KANK1: variants seen among roughly 807,000 people sequenced by gnomAD.
KANK1 encodes KN motif and ankyrin repeat domain-containing protein 1.
In KANK1, 109 loss-of-function variants were observed where a neutral mutation model predicts 106.2. The observed-to-expected ratio is 1.03, with a 90% CI of 0.88 to 1.20. The LOEUF (loss-of-function observed/expected upper bound fraction) is 1.20. KANK1 is among the 50% of genes most tolerant of loss of function. The pLI is 0.00. For synonymous variants in KANK1, 873 were observed against 652.2 expected (o/e 1.34, Z -5.16); for missense variants, 2,399 against 1,710.7 (o/e 1.40, Z -7.10).
intron 1 of KANK1, among the ~76,000 whole-genome samples, chr9:516,128 G>C (rs751139057): frequency 6.6e-6 from 1 of 151,478 alleles, no homozygotes; most frequent in Non-Finnish European, 1.5e-5. Context: ...TTAAATATCT[G>C]TAAGGTACTT....
intron 3 of KANK1, among the ~76,000 whole-genome samples, chr9:720,546 G>C (rs1450236609): frequency 6.6e-6 from 1 of 152,158 alleles, no homozygotes; most frequent in Non-Finnish European, 1.5e-5. Context: ...TTAGAGAGGG[G>C]GGTCTCACTA....
At chr9:501,249 T>C (rs566087424), upstream of KANK1, among the ~76,000 whole-genome samples, 2 of 152,314 alleles carry the variant, frequency 1.3e-5, no homozygotes, top group South Asian at 4.1e-4. Flanking sequence ...AAAGTTCATT[T>C]TTAAATCCGT....
chr9:636,234 T>G (rs1289427082), intron 1 of KANK1, among the ~76,000 whole-genome samples: 1 of 152,160 alleles, frequency 6.6e-6, no homozygotes, highest in Non-Finnish European at 1.5e-5. Flanking sequence ...GCTCTGCTCT[T>G]AGATCTTTAT....
At chr9:741,863 C>CCT (rs1835667341) in intron 9 of KANK1, among the ~76,000 whole-genome samples, 1 of 152,072 alleles carries the variant, frequency 6.6e-6, no homozygotes, top group Non-Finnish European at 1.5e-5. Flanking sequence ...AGACAATCTG[C>CCT]CTGCCTCAGC....
intron 1 of KANK1, among the ~76,000 whole-genome samples, chr9:548,282 A>G (rs938441853): frequency 2.0e-5 from 3 of 152,212 alleles, no homozygotes; most frequent in African/African-American, 4.8e-5. Flanking sequence ...TCACTTCAAA[A>G]GATCCGCCAG....
intron 1 of KANK1, among the ~76,000 whole-genome samples, chr9:634,741 C>A (rs1231258769): frequency 6.6e-6 from 1 of 152,230 alleles, no homozygotes; most frequent in Non-Finnish European, 1.5e-5. Flanking sequence ...ATGAACCAGC[C>A]TGTGAGGCCA....
chr9:498,542 CTA>C (rs1449789592), intron 3 of KANK1, among the ~76,000 whole-genome samples: 2 of 152,164 alleles, frequency 1.3e-5, no homozygotes, highest in Non-Finnish European at 2.9e-5. Flanking sequence ...CAGATAAAGA[CTA>C]GTATCACTTA....
At chr9:654,828 A>T (rs1588615592) in intron 1 of KANK1, among the ~76,000 whole-genome samples, 1 of 89,964 alleles carries the variant, frequency 1.1e-5, no homozygotes, top group African/African-American at 3.3e-5. Flanking sequence ...AGAGAGAGAG[A>T]GAGAGAGAGA....
intron 2 of KANK1, chr9:681,122 G>A (rs1817474161): frequency 6.6e-6 from 1 of 152,496 alleles, no homozygotes; most frequent in Admixed American, 6.5e-5. Context: ...AGGAGGCTGA[G>A]GTGGGAGGAT....
At position 676,916 on chromosome 9, in the gene KANK1, A is replaced by G; in HGVS notation, c.-57A>G. The G allele has an allele frequency of 1.4e-6, 2 of 1,477,094 alleles. No individual in the cohort carries two copies. The highest frequency in any genetic ancestry group is 1.2e-5 in the South Asian group (1 of 85,128). The allele number at this position is 1,477,094 out of a possible 1,614,324, so 91.5% of individuals were successfully genotyped here. On this transcript the variant is annotated 5_prime_UTR_variant, in exon 2 of 12. Coordinates refer to ENST00000382297, the MANE Select transcript of KANK1 (RefSeq NM_015158.5). ...TTGAATGCCTTTGAGAACTTGATGC[A>G]TAAAATTTGCATGACTCCTCACTCC... is the stretch of plus-strand genomic sequence containing the variant.
rs369067308 is a variant in KANK1, at chr9:710,628, AACAAAAAAAAAC to A, written c.38-174_38-163del. Among the ~76,000 whole-genome samples the A allele has an allele frequency of 0.15, 13,375 of 91,234 alleles. 2,420 individuals are homozygous for A. The highest frequency in any genetic ancestry group is 0.45 in the African/African-American group (10,998 of 24,636). The allele number at this position is 91,234 out of a possible 152,430, so 59.9% of individuals were successfully genotyped here. ...AATGACCTGTCTCAAAAAAAAAAAAAACAAAAAAAAACAAAAAAAACTTGCTTACCCAGCTGT... is the reference window on the plus strand; with the variant it reads ...AATGACCTGTCTCAAAAAAAAAAAAAAAAAAAAACTTGCTTACCCAGCTGT... On this transcript the variant is annotated intron_variant, in intron 2 of 11. Transcript: ENST00000382297.
At chr9:491,618 A>G (rs2058379073) in intron 3 of KANK1, among the ~76,000 whole-genome samples, 1 of 152,114 alleles carries the variant, frequency 6.6e-6, no homozygotes, top group Non-Finnish European at 1.5e-5. Context: ...TGGGGAGGTG[A>G]CATTTGTGGA....
At chr9:703,478 G>C (rs1043304225) in intron 2 of KANK1, among the ~76,000 whole-genome samples, 2 of 152,060 alleles carry the variant, frequency 1.3e-5, no homozygotes, top group East Asian at 1.9e-4. Context: ...TGAAAGTAGA[G>C]GTGGTGCCAG....
chr9:669,015 C>T (rs1845308946), intron 1 of KANK1, among the ~76,000 whole-genome samples: 1 of 152,018 alleles, frequency 6.6e-6, no homozygotes, highest in Non-Finnish European at 1.5e-5. Flanking sequence ...TGGTCCATGG[C>T]TCAGGAGTTG....
chr9:557,349 G>A (rs1470947226), intron 1 of KANK1, among the ~76,000 whole-genome samples: 1 of 152,166 alleles, frequency 6.6e-6, no homozygotes, highest in African/African-American at 2.4e-5. Flanking sequence ...ATGTATCATT[G>A]TTGAAGCTTA....
At chr9:657,897 G>C (rs1383324495) in intron 1 of KANK1, among the ~76,000 whole-genome samples, 1 of 151,784 alleles carries the variant, frequency 6.6e-6, no homozygotes, top group African/African-American at 2.4e-5. Context: ...GGTGGTGTGG[G>C]GGTGGTATAG....
intron 1 of KANK1, among the ~76,000 whole-genome samples, chr9:605,962 C>CCCATTA (rs1829008480): frequency 6.6e-6 from 1 of 151,706 alleles, no homozygotes; most frequent in African/African-American, 2.4e-5. Context: ...TGACTCCCTT[C>CCCATTA]CCATTAGAAT....
At chr9:577,978 C>A (rs1021534737) in intron 1 of KANK1, among the ~76,000 whole-genome samples, 2 of 152,140 alleles carry the variant, frequency 1.3e-5, no homozygotes, top group Non-Finnish European at 2.9e-5. Context: ...GTGCACACAT[C>A]ATTCCCTCAC....
At chr9:645,995 A>T (rs928665880) in intron 1 of KANK1, among the ~76,000 whole-genome samples, 1 of 150,936 alleles carries the variant, frequency 6.6e-6, no homozygotes, top group African/African-American at 2.5e-5. Flanking sequence ...GATGATGCGT[A>T]GGAATAACAA....
Sources: allele counts gnomAD v4.1 joint callset (sites outside exome capture counted in the v4.1 genomes callset), GRCh38; gene constraint gnomAD v4.1.1; transcripts MANE v1.5; gene names NCBI Gene and HGNC (gene_info 2026-07-23, HGNC 2026-07-21).